The following WHRN variants were observed in gnomAD, a reference collection of about 807,000 sequenced individuals.
WHRN encodes the protein CASK-interacting protein CIP98.
Under a neutral mutation model 68.3 loss-of-function variants are expected in WHRN, and 41 were observed. The ratio of observed to expected loss-of-function variants is 0.60; its 90% confidence interval spans 0.47 to 0.78. WHRN has a LOEUF of 0.78. Among genes scored for constraint, WHRN ranks in the 30% least tolerant of loss-of-function variants. WHRN has a pLI of 0.00. For missense variants in WHRN, 1,243 were observed against 1,244.7 expected (o/e 1.00, Z 0.02); for synonymous variants, 560 against 561.3 (o/e 1.00, Z 0.03).
At chr9:114,455,605 T>G (rs942992103) in intron 3 of WHRN, among the ~76,000 whole-genome samples, 1 of 150,578 alleles carries the variant, frequency 6.6e-6, no homozygotes, top group African/African-American at 2.4e-5. Flanking sequence ...TCCCGGCTAC[T>G]AGGAAGGCGG....
At position 114,422,315 on chromosome 9, in the gene WHRN, G is replaced by T. The variant is rs114315566; in HGVS notation, c.1626+999C>A. Among the ~76,000 whole-genome samples the T allele has an allele frequency of 3.1e-3, 471 of 152,344 alleles. 3 individuals are homozygous for T. The highest frequency in any genetic ancestry group is 0.011 in the African/African-American group (451 of 41,586). On this transcript the variant is annotated intron_variant, in intron 7 of 11. Coordinates refer to ENST00000362057, the MANE Select transcript of WHRN (RefSeq NM_015404.4). Reference sequence around the variant, plus strand: ...CCTAACGGTGAGAAACAAGGGCATAGAGGAGAGCATGGGGCCAAGCCAGCT... The same window carrying T: ...CCTAACGGTGAGAAACAAGGGCATATAGGAGAGCATGGGGCCAAGCCAGCT...
intron 3 of WHRN, among the ~76,000 whole-genome samples, chr9:114,442,863 A>G (rs1838494937): frequency 6.6e-6 from 1 of 152,208 alleles, no homozygotes; most frequent in African/African-American, 2.4e-5. Flanking sequence ...ATTCCTTTAG[A>G]GCAACGCAAA....
At chr9:114,425,586 GACACACACACACACACACAC>G (rs148103230) in intron 4 of WHRN, 18 of 154,110 alleles carry the variant, frequency 1.2e-4, no homozygotes, top group African/African-American at 2.2e-4. Flanking sequence ...GGAAGGGGGA[GACACACACACACACACACAC>G]ACACACACAC....
intron 1 of WHRN, among the ~76,000 whole-genome samples, chr9:114,482,942 G>C (rs1373243205): frequency 6.6e-6 from 1 of 152,048 alleles, no homozygotes; most frequent in Non-Finnish European, 1.5e-5. Context: ...CCCCAAGATG[G>C]GAAGGGAAAC....
intron 3 of WHRN, among the ~76,000 whole-genome samples, chr9:114,431,011 G>C (rs931032665): frequency 9.9e-5 from 15 of 152,150 alleles, no homozygotes; most frequent in Admixed American, 2.0e-4. Context: ...TAGGAGCCCT[G>C]TCAGAAGAGC....
intron 7 of WHRN, among the ~76,000 whole-genome samples, chr9:114,408,262 C>G (rs755129934): frequency 6.6e-6 from 1 of 152,202 alleles, no homozygotes; most frequent in Non-Finnish European, 1.5e-5. Flanking sequence ...ATCCCCTGAA[C>G]TGCCAGAGAT....
intron 1 of WHRN, among the ~76,000 whole-genome samples, chr9:114,486,989 A>G (rs1277038331): frequency 0.07 from 348 of 4,980 alleles, 25 homozygotes; most frequent in Middle Eastern, 0.17. Flanking sequence ...ATATATATAT[A>G]TATATATATA....
intron 7 of WHRN, among the ~76,000 whole-genome samples, chr9:114,419,703 T>C (rs1466592962): frequency 6.6e-6 from 1 of 152,190 alleles, no homozygotes; most frequent in Non-Finnish European, 1.5e-5. Context: ...AGAAAGCACA[T>C]GGCATATGCA....
Position 114,406,770 on chromosome 9 carries a change from G to T in WHRN, c.1821C>A (p.Leu607=). ...GQPRKLGRED[L]QPPSSMPSCS... ...AGGAAGGCATGGAGGAAGGTGGCTG[G>T]AGGTCCTCTCTCCCCAGCTTCCTTG... Residue 607 remains leucine (L), a synonymous_variant, in exon 9 of 12, where the codon CTC becomes CTA. Coordinates refer to ENST00000362057, the MANE Select transcript of WHRN (RefSeq NM_015404.4). 6.2e-7 allele frequency: 1 copy of T among 1,614,122 alleles called. No individual in the cohort carries two copies. Among genetic ancestry groups the T allele is most frequent in the Non-Finnish European group, 8.5e-7 (1 of 1,179,984 alleles).
chr9:114,429,932 T>C (rs1837261939), intron 3 of WHRN, among the ~76,000 whole-genome samples: 2 of 152,224 alleles, frequency 1.3e-5, no homozygotes, highest in African/African-American at 4.8e-5. Context: ...TCATCTCTGC[T>C]GGGCAGGAAT....
chr9:114,433,031 G>A (rs1047682999), intron 3 of WHRN, among the ~76,000 whole-genome samples: 2 of 152,176 alleles, frequency 1.3e-5, no homozygotes, highest in Middle Eastern at 3.2e-3. Context: ...TTTTACAGAT[G>A]AGGAAGCCGA....
In WHRN at chr9:114,417,262, G is replaced by A. The variant is rs1352262893; in HGVS notation, c.1626+6052C>T. Among the ~76,000 whole-genome samples, 7 of 152,198 alleles carry A rather than the reference G, an allele frequency of 4.6e-5. 1 individual carries two copies. Among genetic ancestry groups the A allele is most frequent in the Admixed American group, 4.6e-4 (7 of 15,284 alleles). On this transcript the variant is annotated intron_variant, in intron 7 of 11. Coordinates refer to ENST00000362057, the MANE Select transcript of WHRN (RefSeq NM_015404.4). ...TTAACCTGGGATCAATAACCACACA[G>A]CATGATCCGAGGAATTCAGGCTAAA... is the stretch of plus-strand genomic sequence containing the variant.
At chr9:114,497,946 G>C (rs1843606221) in intron 1 of WHRN, among the ~76,000 whole-genome samples, 1 of 152,126 alleles carries the variant, frequency 6.6e-6, no homozygotes, top group Non-Finnish European at 1.5e-5. Flanking sequence ...GATGTCACGT[G>C]AACTGCCCAC....
rs1272154833 is a variant in WHRN, at chr9:114,402,849, G to T, written c.2629C>A (p.His877Asn). The change falls in exon 12 of 12, where the codon CAC becomes AAC. Residue 877 changes from histidine to asparagine, a missense_variant. Transcript: ENST00000362057. ...VNGLTLRGKE[H>N]REAARIIAEA... Reference sequence around the variant, plus strand: ...GCGATAATGCGGGCGGCCTCCCGGTGCTCCTTGCCCCGAAGCGTCAGCCCA... The same window carrying T: ...GCGATAATGCGGGCGGCCTCCCGGTTCTCCTTGCCCCGAAGCGTCAGCCCA... The T allele has an allele frequency of 6.2e-7, 1 of 1,614,104 alleles. No homozygotes were observed. Among genetic ancestry groups the T allele is most frequent in the Non-Finnish European group, 8.5e-7 (1 of 1,180,044 alleles).
chr9:114,444,846 A>C (rs980632039), intron 3 of WHRN, among the ~76,000 whole-genome samples: 2 of 151,836 alleles, frequency 1.3e-5, no homozygotes, highest in Non-Finnish European at 2.9e-5. Flanking sequence ...CTAAAATGTT[A>C]TGGAAGGTGG....
intron 1 of WHRN, among the ~76,000 whole-genome samples, chr9:114,501,591 ATC>A (rs916886390): frequency 2.3e-5 from 3 of 129,832 alleles, no homozygotes; most frequent in African/African-American, 9.6e-5. Flanking sequence ...CACACACTGA[ATC>A]TCTCCGTTTG....
chr9:114,452,639 T>TA (rs1839436401), intron 3 of WHRN, among the ~76,000 whole-genome samples: 2 of 152,170 alleles, frequency 1.3e-5, no homozygotes, highest in South Asian at 4.1e-4. Context: ...CATTGAGCAA[T>TA]CAGACCCTGT....
intron 10 of WHRN, 84 bp downstream of exon 10, chr9:114,403,812 T>A: frequency 1.9e-6 from 3 of 1,542,284 alleles, no homozygotes. Flanking sequence ...CTTGCCAAGC[T>A]GAGCCCTGGT....
At chr9:114,485,653 C>A (rs1465406310) in intron 1 of WHRN, among the ~76,000 whole-genome samples, 6 of 152,100 alleles carry the variant, frequency 3.9e-5, no homozygotes, top group Admixed American at 2.6e-4. Flanking sequence ...GATTGCACCA[C>A]TGCACTACAG....
Sources: gnomAD v4.1 joint callset for allele counts (sites outside exome capture counted in the v4.1 genomes callset) on GRCh38, gnomAD v4.1.1 for gene constraint, MANE v1.5 for transcripts, NCBI Gene and HGNC (gene_info 2026-07-23, HGNC 2026-07-21) for gene names.